The following RBPMS2 variants were observed in gnomAD, a reference collection of about 807,000 sequenced individuals.
RBPMS2 encodes RNA-binding protein with multiple splicing 2.
Under a neutral mutation model 25.7 loss-of-function variants are expected in RBPMS2, and 14 were observed. The ratio of observed to expected loss-of-function variants is 0.55; its 90% CI spans 0.36 to 0.85. RBPMS2 has a LOEUF of 0.85. RBPMS2 is among the 40% of genes least tolerant of loss of function. RBPMS2 has a pLI of 0.01. For missense variants in RBPMS2, 252 were observed against 283.4 expected (o/e 0.89, Z 0.80); for synonymous variants, 127 against 115.6 (o/e 1.10, Z -0.63).
chr15:64,746,938 C>T (rs777324393), intron 6 of RBPMS2, among the ~76,000 whole-genome samples: 3 of 152,170 alleles, frequency 2.0e-5, no homozygotes, highest in East Asian at 1.9e-4. Flanking sequence ...GTTAAACATC[C>T]GCTTGACCTG....
intron 5 of RBPMS2, 106 bp from the exon 6 acceptor site, chr15:64,748,673 C>A: frequency 7.4e-7 from 1 of 1,349,618 alleles, no homozygotes; most frequent in Non-Finnish European, 1.0e-6. Flanking sequence ...ACACTGAGGC[C>A]AGACCACCCC....
chr15:64,773,029 G>A (rs1028876986), intron 1 of RBPMS2, among the ~76,000 whole-genome samples: 1 of 152,138 alleles, frequency 6.6e-6, no homozygotes, highest in African/African-American at 2.4e-5. Flanking sequence ...GTGACCCAGC[G>A]CCTTTAGGAA....
intron 1 of RBPMS2, 97 bp from the exon 2 acceptor site, chr15:64,751,735 G>T: frequency 1.0e-6 from 1 of 972,740 alleles, no homozygotes; most frequent in Non-Finnish European, 1.6e-6. Flanking sequence ...TCCTTCTAGA[G>T]CTTAGAGGAA....
chr15:64,748,857 G>T, intron 5 of RBPMS2, 143 bp downstream of exon 5: 1 of 919,436 alleles, frequency 1.1e-6, no homozygotes, highest in South Asian at 1.8e-5. Context: ...GGCTGCAGGG[G>T]AGGGAGGAAA....
chr15:64,757,365 G>T (rs530826355), intron 1 of RBPMS2, among the ~76,000 whole-genome samples: 30 of 152,168 alleles, frequency 2.0e-4, no homozygotes, highest in African/African-American at 7.0e-4. Context: ...ATAAAATGCT[G>T]GCTTCATTTA....
intron 1 of RBPMS2, among the ~76,000 whole-genome samples, chr15:64,772,971 AC>A (rs1187388601): frequency 6.6e-6 from 1 of 152,108 alleles, no homozygotes; most frequent in Non-Finnish European, 1.5e-5. Flanking sequence ...AGGACAAGCA[AC>A]CTCACTGATA....
At chr15:64,752,804 G>T (rs2083695278) in intron 1 of RBPMS2, among the ~76,000 whole-genome samples, 1 of 152,110 alleles carries the variant, frequency 6.6e-6, no homozygotes, top group African/African-American at 2.4e-5. Flanking sequence ...TAGAGATGGG[G>T]TTTCACCACA....
chr15:64,766,934 C>T (rs541718247), intron 1 of RBPMS2, among the ~76,000 whole-genome samples: 2 of 152,160 alleles, frequency 1.3e-5, no homozygotes, highest in South Asian at 2.1e-4. Context: ...CAGGTGCTCA[C>T]GGCCACACCC....
intron 2 of RBPMS2, among the ~76,000 whole-genome samples, chr15:64,751,190 G>A (rs747606266): frequency 1.4e-4 from 21 of 150,912 alleles, no homozygotes; most frequent in Non-Finnish European, 3.0e-4. Context: ...AATATTAGCC[G>A]GGCATAATGG....
intron 1 of RBPMS2, among the ~76,000 whole-genome samples, chr15:64,755,767 C>A (rs952452065): frequency 6.6e-6 from 1 of 152,170 alleles, no homozygotes; most frequent in African/African-American, 2.4e-5. Context: ...GCAGGCTGAC[C>A]AGCCACATGT....
Position 64,775,291 on chromosome 15 carries a change from T to A in RBPMS2, c.29A>T (p.His10Leu). 7.4e-7 allele frequency: 1 copy of A among 1,352,880 alleles called. No individual in the cohort carries two copies. The allele number at this position is 1,352,880 out of a possible 1,614,324, so 83.8% of individuals were successfully genotyped here. A position where few individuals can be genotyped will look rare whatever the true frequency, so the allele number is the denominator to read the frequency against. The change falls in exon 1 of 8, where the codon CAC (histidine) becomes CTC (leucine). Residue 10 changes from histidine (H) to leucine (L), a missense_variant. Physicochemically the swap from His to Leu is moderately conservative, Grantham distance 99. Transcript: ENST00000300069. ...GGAGCCGGTGCCGGTGCTGCCGCCGTGCTCGCCGTCCGGCTTCAGGTTGCT... is the reference window on the plus strand; with the variant it reads ...GGAGCCGGTGCCGGTGCTGCCGCCGAGCTCGCCGTCCGGCTTCAGGTTGCT... MSNLKPDGE[H>L]GGSTGTGSGA... is the part of the protein sequence containing the mutation.
intron 1 of RBPMS2, chr15:64,762,278 G>C (rs116698609): frequency 2.8e-5 from 13 of 463,958 alleles, no homozygotes; most frequent in East Asian, 5.6e-5. Flanking sequence ...GGCCAACGAC[G>C]AGACTGACTG....
At chr15:64,750,198 G>A in intron 3 of RBPMS2, 145 bp downstream of exon 3, 2 of 770,808 alleles carry the variant, frequency 2.6e-6, no homozygotes, top group Admixed American at 1.8e-5. Context: ...GACCTACAGA[G>A]GCTGCTCTGT....
chr15:64,772,302 C>T (rs1179528503), intron 1 of RBPMS2, among the ~76,000 whole-genome samples: 1 of 152,062 alleles, frequency 6.6e-6, no homozygotes, highest in Admixed American at 6.6e-5. Flanking sequence ...TACAGCCTGC[C>T]CCGGACAGGT....
At chr15:64,741,497 A>G (rs2083562244) in intron 6 of RBPMS2, among the ~76,000 whole-genome samples, 1 of 152,176 alleles carries the variant, frequency 6.6e-6, no homozygotes, top group Non-Finnish European at 1.5e-5. Context: ...TACCCCAATC[A>G]GCCCAATCCA....
intron 4 of RBPMS2, 97 bp downstream of exon 4, chr15:64,749,334 G>A (rs1308683023): frequency 4.4e-6 from 6 of 1,351,876 alleles, no homozygotes; most frequent in Non-Finnish European, 5.3e-6. Context: ...TGTCGCCAAG[G>A]ACTCTGCCCA....
intron 6 of RBPMS2, among the ~76,000 whole-genome samples, chr15:64,747,062 G>A (rs1333824901): frequency 6.6e-6 from 1 of 152,314 alleles, no homozygotes; most frequent in Middle Eastern, 3.4e-3. Context: ...CCCTCCAGGG[G>A]AAGGTCTTTA....
intron 1 of RBPMS2, among the ~76,000 whole-genome samples, chr15:64,754,717 C>A (rs1295142616): frequency 2.0e-5 from 3 of 151,838 alleles, no homozygotes; most frequent in Non-Finnish European, 4.4e-5. Flanking sequence ...AAAAAAAAAC[C>A]CAAAACCCAA....
chr15:64,761,417 A>C (rs2083784692), intron 1 of RBPMS2, among the ~76,000 whole-genome samples: 1 of 152,240 alleles, frequency 6.6e-6, no homozygotes, highest in Admixed American at 6.5e-5. Flanking sequence ...GCAGTTACCG[A>C]GCATGTCAGA....
Sources: gnomAD v4.1 joint callset for allele counts (sites outside exome capture counted in the v4.1 genomes callset) on GRCh38, gnomAD v4.1.1 for gene constraint, MANE v1.5 for transcripts, NCBI Gene and HGNC (gene_info 2026-07-23, HGNC 2026-07-21) for gene names.